DOCK3: variants seen among roughly 807,000 people sequenced by gnomAD.
The protein encoded by DOCK3 is dedicator of cytokinesis 3.
DOCK3 carries 60 observed loss-of-function variants against 265.6 expected under a neutral mutation model. The ratio of observed to expected loss-of-function variants is 0.23; its 90% CI spans 0.18 to 0.28. DOCK3 has a LOEUF of 0.28. Among genes scored for constraint, DOCK3 ranks in the 10% least tolerant of loss-of-function variants. The probability of loss-of-function intolerance (pLI) is 1.00; values close to 1 mark genes in which losing one functional copy is unlikely to be tolerated. For missense variants in DOCK3, 1,981 were observed against 2,594.3 expected (o/e 0.76, Z 5.14); for synonymous variants, 881 against 938.0 (o/e 0.94, Z 1.11).
At chr3:50,743,481 A>G (rs1035156595) in intron 1 of DOCK3, among the ~76,000 whole-genome samples, 5 of 149,086 alleles carry the variant, frequency 3.4e-5, no homozygotes, top group Admixed American at 2.0e-4. Context: ...TAGGCTCAAA[A>G]TAAAAGGATG....
intron 2 of DOCK3, among the ~76,000 whole-genome samples, chr3:50,826,521 AG>A (rs1325039392): frequency 6.6e-6 from 1 of 152,176 alleles, no homozygotes; most frequent in Non-Finnish European, 1.5e-5. Flanking sequence ...CTGGCAACCA[AG>A]GATACAGGAT....
At chr3:51,174,605 T>C (rs2086849454) in intron 12 of DOCK3, among the ~76,000 whole-genome samples, 1 of 152,184 alleles carries the variant, frequency 6.6e-6, no homozygotes, top group African/African-American at 2.4e-5. Flanking sequence ...GAACTCTTCA[T>C]TAAGAAATTC....
intron 12 of DOCK3, among the ~76,000 whole-genome samples, chr3:51,198,313 T>C (rs1016138945): frequency 3.9e-5 from 6 of 152,220 alleles, no homozygotes; most frequent in African/African-American, 9.6e-5. Context: ...CTGTTCTCTT[T>C]ACCTCCTTGT....
At chr3:50,772,365 A>G (rs2041327485) in intron 1 of DOCK3, among the ~76,000 whole-genome samples, 2 of 152,184 alleles carry the variant, frequency 1.3e-5, no homozygotes, top group Admixed American at 6.5e-5. Flanking sequence ...GTTACAAAGA[A>G]TGAACAAGAC....
chr3:50,799,517 T>G (rs1213416657), intron 2 of DOCK3, among the ~76,000 whole-genome samples: 1 of 152,200 alleles, frequency 6.6e-6, no homozygotes, highest in Non-Finnish European at 1.5e-5. Context: ...TCCTCCATTG[T>G]TCCTGTATAG....
At chr3:50,823,617 TCC>T (rs943474905) in intron 2 of DOCK3, among the ~76,000 whole-genome samples, 65 of 151,982 alleles carry the variant, frequency 4.3e-4, no homozygotes, top group Non-Finnish European at 3.1e-4. Flanking sequence ...TTCCCACCTT[TCC>T]CCCCTTGCTA....
At chr3:51,027,785 TG>T (rs2079882545) in intron 5 of DOCK3, among the ~76,000 whole-genome samples, 1 of 152,156 alleles carries the variant, frequency 6.6e-6, no homozygotes, top group Non-Finnish European at 1.5e-5. Context: ...ATTTTTCATT[TG>T]CATGATCTTT....
chr3:51,319,398 A>T (rs1372472171), intron 32 of DOCK3, among the ~76,000 whole-genome samples: 1,412 of 11,802 alleles, frequency 0.12, 25 homozygotes, highest in Middle Eastern at 0.33. Context: ...ACACTTGATA[A>T]AAAAAAAAAA....
chr3:51,029,821 G>T (rs4438692), intron 5 of DOCK3, among the ~76,000 whole-genome samples: 9 of 152,112 alleles, frequency 5.9e-5, no homozygotes, highest in Non-Finnish European at 1.0e-4. Context: ...CAGGGCAGTG[G>T]TACCACATGT....
chr3:50,991,928 A>G (rs534326348), intron 5 of DOCK3, among the ~76,000 whole-genome samples: 1 of 152,336 alleles, frequency 6.6e-6, no homozygotes, highest in East Asian at 1.9e-4. Flanking sequence ...AGAAGTCAAG[A>G]CTATAAAAAT....
chr3:51,335,514 A>T (rs2084801935), intron 35 of DOCK3, among the ~76,000 whole-genome samples: 1 of 152,218 alleles, frequency 6.6e-6, no homozygotes, highest in South Asian at 2.1e-4. Flanking sequence ...GTCTTACCTT[A>T]CAAAAGAGGA....
intron 5 of DOCK3, among the ~76,000 whole-genome samples, chr3:51,023,862 G>A (rs567919536): frequency 2.0e-5 from 3 of 151,716 alleles, no homozygotes; most frequent in Non-Finnish European, 2.9e-5. Context: ...AATTATTTTT[G>A]TCTCATTTCA....
chr3:51,143,957 G>C (rs575250706), intron 9 of DOCK3, among the ~76,000 whole-genome samples: 12 of 152,298 alleles, frequency 7.9e-5, no homozygotes, highest in Non-Finnish European at 1.8e-4. Context: ...CAAGATACTT[G>C]TCTTCATTTT....
chr3:51,120,028 TGGA>T (rs1322279681), intron 9 of DOCK3, among the ~76,000 whole-genome samples: 20 of 152,228 alleles, frequency 1.3e-4, no homozygotes, highest in Middle Eastern at 3.4e-3. Flanking sequence ...TGTGATCCTT[TGGA>T]GGAGAAGAGG....
intron 7 of DOCK3, among the ~76,000 whole-genome samples, chr3:51,088,826 A>G (rs1368972417): frequency 6.6e-6 from 1 of 152,204 alleles, no homozygotes; most frequent in African/African-American, 2.4e-5. Context: ...AAGGAACAGC[A>G]TGGGGAAGTG....
chr3:51,245,020 C>A (rs866728929), intron 21 of DOCK3, among the ~76,000 whole-genome samples: 2 of 152,106 alleles, frequency 1.3e-5, no homozygotes, highest in Non-Finnish European at 2.9e-5. Flanking sequence ...ATATGAGAAA[C>A]ACAGGTTATC....
At position 50,995,953 on chromosome 3, in the gene DOCK3, GT is replaced by G. The variant is rs1456169218; in HGVS notation, c.315+61877del. Among the ~76,000 whole-genome samples the G allele has an allele frequency of 3.3e-5, 5 of 152,234 alleles. No individual in the cohort carries two copies. The East Asian group carries it at 5.8e-4, about 18-fold the overall frequency. On this transcript the variant is annotated intron_variant, in intron 5 of 52. Transcript: ENST00000266037. ...GCTTTGTACCCCAGGCTGGGGTGCA[GT>G]GGTGCGATCTCGGCTCACTGCAGCC... is the stretch of plus-strand genomic sequence containing the variant.
intron 27 of DOCK3, among the ~76,000 whole-genome samples, chr3:51,306,833 T>G (rs2082714987): frequency 6.6e-6 from 1 of 152,236 alleles, no homozygotes; most frequent in African/African-American, 2.4e-5. Flanking sequence ...ATTCTTTAAG[T>G]GTGATTTCCT....
At chr3:50,878,974 C>A (rs1249235381) in intron 3 of DOCK3, among the ~76,000 whole-genome samples, 1 of 152,146 alleles carries the variant, frequency 6.6e-6, no homozygotes, top group Non-Finnish European at 1.5e-5. Context: ...GGCCAATATT[C>A]AACATTCTTA....
Sources: gnomAD v4.1 joint callset for allele counts (sites outside exome capture counted in the v4.1 genomes callset) on GRCh38, gnomAD v4.1.1 for gene constraint, MANE v1.5 for transcripts, NCBI Gene and HGNC (gene_info 2026-07-23, HGNC 2026-07-21) for gene names.